PCDHGA6: variants seen among roughly 807,000 people sequenced by gnomAD.
The protein encoded by PCDHGA6 is protocadherin gamma subfamily A, 6.
A neutral mutation model predicts 60.6 loss-of-function variants in PCDHGA6; 41 were observed. That is an observed-to-expected ratio of 0.68 (90% CI 0.53 to 0.88). The LOEUF (loss-of-function observed/expected upper bound fraction) is 0.88, where lower values mean the gene tolerates loss of function less well. Ranked by LOEUF, PCDHGA6 falls within the 40% of genes least tolerant of loss-of-function variation. The pLI, the probability that PCDHGA6 is intolerant of heterozygous loss-of-function variation, is 0.00. For synonymous variants in PCDHGA6, 594 were observed against 524.4 expected, an observed-to-expected ratio of 1.13 and a Z score of -1.81; for missense variants, 1,312 against 1,203.0, an observed-to-expected ratio of 1.09 and a Z score of -1.34.
intron 2 of PCDHGA6, among the ~76,000 whole-genome samples, chr5:141,501,771 G>A (rs957546749): frequency 7.2e-5 from 11 of 152,118 alleles, no homozygotes; most frequent in African/African-American, 2.7e-4. Context: ...GGTTAAAAAA[G>A]AGGTCTCTCT....
In PCDHGA6 at chr5:141,374,636, G is replaced by A; in HGVS notation, c.553G>A (p.Glu185Lys). Residue 185 changes from glutamate to lysine, a missense_variant, in exon 1 of 4, where the codon GAA (glutamate) becomes AAA (lysine). Physicochemically the swap from Glu to Lys is moderately conservative, Grantham distance 56 (BLOSUM62 1). Transcript: ENST00000517434. ...NSHFSVDVQS[E>K]AHGPKYPELV... ...TCACTTCTCAGTGGACGTGCAAAGCGAAGCCCATGGGCCCAAGTACCCGGA... is the reference window on the plus strand; with the variant it reads ...TCACTTCTCAGTGGACGTGCAAAGCAAAGCCCATGGGCCCAAGTACCCGGA... 1 of 1,612,960 alleles carries A rather than the reference G, an allele frequency of 6.2e-7. No individual in the cohort carries two copies. The highest frequency in any genetic ancestry group is 8.5e-7 in the Non-Finnish European group (1 of 1,179,418).
intron 1 of PCDHGA6, among the ~76,000 whole-genome samples, chr5:141,459,014 T>C (rs1429233660): frequency 6.6e-6 from 1 of 152,240 alleles, no homozygotes; most frequent in East Asian, 1.9e-4. Context: ...ATTACAGGCA[T>C]GAGCCACCAC....
intron 1 of PCDHGA6, chr5:141,393,177 G>A (rs1330463387): frequency 6.2e-7 from 1 of 1,613,292 alleles, no homozygotes; most frequent in South Asian, 1.1e-5. Flanking sequence ...GGTAGAAATA[G>A]AAATAATTGA....
intron 1 of PCDHGA6, among the ~76,000 whole-genome samples, chr5:141,420,868 G>C (rs1479734969): frequency 6.6e-6 from 1 of 152,222 alleles, no homozygotes; most frequent in Non-Finnish European, 1.5e-5. Context: ...GTCACATAAT[G>C]TAAGTATTGT....
At chr5:141,394,874 G>C in intron 1 of PCDHGA6, 3 of 1,613,814 alleles carry the variant, frequency 1.9e-6, no homozygotes, top group South Asian at 1.1e-5. Context: ...CGAACGATTC[G>C]AGCCTTACAC....
chr5:141,375,754 C>A lies in PCDHGA6; in HGVS notation c.1671C>A (p.Asp557Glu), dbSNP rs764343077. ...SLSLFVLDQN[D>E]NAPEILYPAL... ...GCCTGTTTGTGCTGGACCAGAATGA[C>A]AATGCGCCCGAGATCCTGTACCCCG... The change falls in exon 1 of 4, where the codon GAC becomes GAA. Residue 557 changes from aspartate (D) to glutamate (E), a missense_variant. By Grantham distance (45) the Asp-to-Glu change is conservative. Coordinates refer to ENST00000517434, the MANE Select transcript of PCDHGA6 (RefSeq NM_018919.3). The A allele has an allele frequency of 6.2e-7, 1 of 1,614,244 alleles. No homozygotes were observed. Among genetic ancestry groups the A allele is most frequent in the East Asian group, 2.2e-5 (1 of 44,884 alleles).
rs780436102 is a variant in PCDHGA6, at chr5:141,431,846, G to A, written c.2424+55339G>A. 1 of 1,614,274 alleles carries A rather than the reference G, an allele frequency of 6.2e-7. No individual in the cohort carries two copies. Among genetic ancestry groups the A allele is most frequent in the South Asian group, 1.1e-5 (1 of 91,088 alleles). On this transcript the variant is annotated intron_variant, in intron 1 of 3. Coordinates refer to ENST00000517434, the MANE Select transcript of PCDHGA6 (RefSeq NM_018919.3). The surrounding 1 kb of genome is among the most constrained non-coding windows in gnomAD (Gnocchi z 4.8). ...CTCGGTTCCCGAAAACTCTCCCAGA[G>A]GGACATTAATTGCCCTTTTAAATGT...
At chr5:141,420,036 G>A (rs1370492350) in intron 1 of PCDHGA6, 1 of 1,614,078 alleles carries the variant, frequency 6.2e-7, no homozygotes. Flanking sequence ...GCAGGAGACT[G>A]CTTTGAGTCA....
chr5:141,423,806 T>C (rs2096783171), intron 1 of PCDHGA6: 1 of 1,251,576 alleles, frequency 8.0e-7, no homozygotes, highest in Non-Finnish European at 1.0e-6. Flanking sequence ...GCAATACATG[T>C]GAGTTTTACT....
intron 1 of PCDHGA6, among the ~76,000 whole-genome samples, chr5:141,448,772 G>C (rs1034550563): frequency 1.5e-4 from 22 of 151,272 alleles, no homozygotes; most frequent in African/African-American, 3.7e-4. Context: ...AACCCCGTCT[G>C]TACTAAAAAT....
chr5:141,509,024 C>T (rs2099873840), intron 3 of PCDHGA6, among the ~76,000 whole-genome samples: 1 of 152,108 alleles, frequency 6.6e-6, no homozygotes, highest in African/African-American at 2.4e-5. Flanking sequence ...GCTGCTCCCT[C>T]CCACTCAACC....
chr5:141,454,563 C>T (rs1056296059), intron 1 of PCDHGA6, among the ~76,000 whole-genome samples: 46 of 151,960 alleles, frequency 3.0e-4, no homozygotes, highest in Non-Finnish European at 4.9e-4. Context: ...TGTGCCACCA[C>T]GCCCGGCTAA....
intron 1 of PCDHGA6, among the ~76,000 whole-genome samples, chr5:141,407,382 A>G (rs1158380926): frequency 6.6e-6 from 1 of 152,218 alleles, no homozygotes; most frequent in Non-Finnish European, 1.5e-5. Context: ...GAAGGCTTGT[A>G]TGTCATGGTA....
chr5:141,389,770 C>A, intron 1 of PCDHGA6: 4 of 1,613,166 alleles, frequency 2.5e-6, no homozygotes, highest in Non-Finnish European at 3.4e-6. Context: ...ACAGCGCGTG[C>A]CTTAGGCGAC....
At position 141,383,558 on chromosome 5, in the gene PCDHGA6, C is replaced by T. The variant is rs374657057; in HGVS notation, c.2424+7051C>T. Reference sequence around the variant, plus strand: ...CTCACAGCCTCTGATGGCGGCGACCCGCCCCGATCCAGCACCGCCCACATC... The same window carrying T: ...CTCACAGCCTCTGATGGCGGCGACCTGCCCCGATCCAGCACCGCCCACATC... On this transcript the variant is annotated intron_variant, in intron 1 of 3. Coordinates refer to ENST00000517434, the MANE Select transcript of PCDHGA6 (RefSeq NM_018919.3). 17 of 1,612,704 alleles carry T rather than the reference C, an allele frequency of 1.1e-5. No homozygotes were observed. The African/African-American group carries it at 2.0e-4, about 19-fold the overall frequency.
At chr5:141,494,938 G>A in intron 2 of PCDHGA6, 73 bp downstream of exon 2, 1 of 1,611,916 alleles carries the variant, frequency 6.2e-7, no homozygotes, top group South Asian at 1.1e-5. Context: ...AGGAGATGGG[G>A]GAGGGCCCAG....
chr5:141,390,398 A>G, intron 1 of PCDHGA6: 1 of 1,365,554 alleles, frequency 7.3e-7, no homozygotes, highest in Non-Finnish European at 1.0e-6. Flanking sequence ...GGATCATTTT[A>G]GGAAAGTTGT....
Position 141,476,114 on chromosome 5 carries a change from G to A in PCDHGA6, c.2425-18693G>A. Reference sequence around the variant, plus strand: ...CCGCTGAGAGGAACTGCTTTTGAGTGAGATGGTCCCAGAGGCCTGGAGGAG... The same window carrying A: ...CCGCTGAGAGGAACTGCTTTTGAGTAAGATGGTCCCAGAGGCCTGGAGGAG... On this transcript the variant is annotated intron_variant, in intron 1 of 3. Coordinates refer to ENST00000517434, the MANE Select transcript of PCDHGA6 (RefSeq NM_018919.3). The surrounding 1 kb of genome is among the most constrained non-coding windows in gnomAD (Gnocchi z 7.6). 6.3e-7 allele frequency: 1 copy of A among 1,592,296 alleles called. No individual in the cohort carries two copies. The highest frequency in any genetic ancestry group is 8.5e-7 in the Non-Finnish European group (1 of 1,171,536).
intron 1 of PCDHGA6, chr5:141,403,037 A>G (rs1561685258): frequency 9.3e-6 from 15 of 1,613,972 alleles, no homozygotes; most frequent in South Asian, 5.5e-5. Flanking sequence ...GGCCAGGGCC[A>G]GTCAGATTCG....
Sources: allele counts gnomAD v4.1 joint callset (sites outside exome capture counted in the v4.1 genomes callset), GRCh38; gene constraint gnomAD v4.1.1; non-coding constraint Gnocchi (gnomAD v3.1); transcripts MANE v1.5; gene names NCBI Gene and HGNC (gene_info 2026-07-23, HGNC 2026-07-21).